The following ZFAND3 variants were observed in gnomAD, a reference collection of about 807,000 sequenced individuals.
ZFAND3 encodes zinc finger AN1-type containing 3, also known as AN1-type zinc finger protein 3.
Under a neutral mutation model 29.6 loss-of-function variants are expected in ZFAND3, and 10 were observed. That is an observed-to-expected ratio of 0.34 (90% confidence interval 0.21 to 0.57). ZFAND3 has a LOEUF of 0.57. Among genes scored for constraint, ZFAND3 ranks in the 20% least tolerant of loss-of-function variants. ZFAND3 has a pLI of 0.86. For missense variants in ZFAND3, 230 were observed against 304.5 expected, an observed-to-expected ratio of 0.76 and a Z score of 1.82; for synonymous variants, 128 against 112.6, an observed-to-expected ratio of 1.14 and a Z score of -0.87.
At chr6:37,848,261 A>C (rs1764218494) in intron 1 of ZFAND3, among the ~76,000 whole-genome samples, 1 of 152,194 alleles carries the variant, frequency 6.6e-6, no homozygotes, top group South Asian at 2.1e-4. Context: ...TGTATTTGGC[A>C]CTTTGAAAAG....
intron 2 of ZFAND3, among the ~76,000 whole-genome samples, chr6:38,027,355 A>T (rs1307441353): frequency 1.3e-5 from 2 of 152,226 alleles, no homozygotes; most frequent in Admixed American, 6.5e-5. Flanking sequence ...GGAATCTTTA[A>T]GGTCCTTCTC....
At chr6:38,141,220 A>G (rs558844771) in intron 5 of ZFAND3, among the ~76,000 whole-genome samples, 1 of 152,370 alleles carries the variant, frequency 6.6e-6, no homozygotes, top group East Asian at 1.9e-4. Flanking sequence ...GTGAAAACAT[A>G]GATTGTTTGC....
chr6:37,858,705 G>A (rs1394604820), intron 1 of ZFAND3, among the ~76,000 whole-genome samples: 1 of 152,096 alleles, frequency 6.6e-6, no homozygotes, highest in Non-Finnish European at 1.5e-5. Flanking sequence ...TATTTCCTGC[G>A]TATGAGTGAA....
At chr6:38,127,195 C>T (rs1765651942) in intron 5 of ZFAND3, among the ~76,000 whole-genome samples, 1 of 152,160 alleles carries the variant, frequency 6.6e-6, no homozygotes, top group Non-Finnish European at 1.5e-5. Context: ...CATTTCATCA[C>T]TAAGTATGAT....
chr6:37,915,007 T>C (rs1411125029), intron 1 of ZFAND3, among the ~76,000 whole-genome samples: 2 of 152,222 alleles, frequency 1.3e-5, no homozygotes. Context: ...TTCATTGGCA[T>C]TGAGAATCTG....
intron 2 of ZFAND3, among the ~76,000 whole-genome samples, chr6:37,974,608 C>T (rs1353310347): frequency 6.6e-6 from 1 of 152,034 alleles, no homozygotes; most frequent in Non-Finnish European, 1.5e-5. Flanking sequence ...GCTGCCCAGG[C>T]TGGTCTCAAA....
rs779218870 is a variant in ZFAND3, at chr6:38,152,399, A to G, written c.*10A>G. 8.9e-6 allele frequency: 14 copies of G among 1,568,686 alleles called. No homozygotes were observed. In the South Asian group the frequency reaches 9.6e-5, roughly 11 times the overall value. On this transcript the variant is annotated 3_prime_UTR_variant, in exon 6 of 6. Transcript: ENST00000287218. ...GGAGGGGTGCTCCTGAAGGCCAGGC[A>G]TGGCCACCACGTGACGCTGTTCTTA... is the stretch of plus-strand genomic sequence containing the variant.
At chr6:37,872,298 C>T (rs762520592) in intron 1 of ZFAND3, among the ~76,000 whole-genome samples, 2 of 152,166 alleles carry the variant, frequency 1.3e-5, no homozygotes, top group African/African-American at 2.4e-5. Context: ...TGCTGTTCAG[C>T]GCCTTCAGGT....
intron 1 of ZFAND3, among the ~76,000 whole-genome samples, chr6:37,874,462 C>T (rs992048955): frequency 5.7e-5 from 8 of 139,910 alleles, no homozygotes; most frequent in African/African-American, 1.9e-4. Flanking sequence ...TGCAGTGAGC[C>T]GAGATCGTGC....
At chr6:38,002,233 C>G (rs1762961147) in intron 2 of ZFAND3, among the ~76,000 whole-genome samples, 1 of 151,490 alleles carries the variant, frequency 6.6e-6, no homozygotes, top group Non-Finnish European at 1.5e-5. Flanking sequence ...AAAGATGATA[C>G]CCTCAGGAAG....
Position 37,836,103 on chromosome 6 carries a change from G to A in ZFAND3, c.71+16087G>A, listed in dbSNP as rs116256611. On this transcript the variant is annotated intron_variant, in intron 1 of 5. Transcript: ENST00000287218. Reference sequence around the variant, plus strand: ...TGTATTGTCATAACTGAAGCCAAGGGAGCAGGTAGAGTCACATAAGAAGTA... The same window carrying A: ...TGTATTGTCATAACTGAAGCCAAGGAAGCAGGTAGAGTCACATAAGAAGTA... 4.5e-3 allele frequency among the ~76,000 whole-genome samples: 692 copies of A among 152,266 alleles called. 7 individuals carry two copies. Among genetic ancestry groups the A allele is most frequent in the African/African-American group, 0.015 (639 of 41,550 alleles).
chr6:38,141,631 ACAT>A (rs1765958297), intron 5 of ZFAND3, among the ~76,000 whole-genome samples: 1 of 152,298 alleles, frequency 6.6e-6, no homozygotes, highest in South Asian at 2.1e-4. Flanking sequence ...GGAAACTTGT[ACAT>A]CATATGTTCA....
chr6:38,056,385 C>G (rs1165558585), intron 2 of ZFAND3, among the ~76,000 whole-genome samples: 1 of 152,144 alleles, frequency 6.6e-6, no homozygotes, highest in African/African-American at 2.4e-5. Flanking sequence ...TACCGAAATT[C>G]TTTCTAAATA....
intron 2 of ZFAND3, among the ~76,000 whole-genome samples, chr6:37,965,593 G>A (rs1341345487): frequency 2.0e-5 from 3 of 147,812 alleles, no homozygotes. Flanking sequence ...CCTTTGAGTT[G>A]TGCTGTTCTT....
chr6:37,938,213 AATC>A (rs1287911180), intron 2 of ZFAND3, among the ~76,000 whole-genome samples: 5 of 152,366 alleles, frequency 3.3e-5, no homozygotes, highest in African/African-American at 4.8e-5. Flanking sequence ...TTTAGAAACT[AATC>A]ATGTTGACAC....
At chr6:37,986,142 A>G (rs768868082) in intron 2 of ZFAND3, among the ~76,000 whole-genome samples, 2 of 151,918 alleles carry the variant, frequency 1.3e-5, no homozygotes, top group Non-Finnish European at 2.9e-5. Flanking sequence ...CTCTTTACAA[A>G]ATATAATTTT....
intron 5 of ZFAND3, among the ~76,000 whole-genome samples, chr6:38,126,476 T>C (rs1405738070): frequency 6.6e-6 from 1 of 152,244 alleles, no homozygotes; most frequent in Admixed American, 6.5e-5. Context: ...ACTTCCAAGA[T>C]CTTTTCCAAG....
intron 2 of ZFAND3, among the ~76,000 whole-genome samples, chr6:38,004,534 T>TACAC (rs56068930): frequency 0.059 from 8,736 of 147,384 alleles, 305 homozygotes; most frequent in Non-Finnish European, 0.083. Context: ...TAAAGCTGTC[T>TACAC]ACACACACAC....
intron 3 of ZFAND3, among the ~76,000 whole-genome samples, chr6:38,077,900 A>G (rs1191266911): frequency 6.6e-6 from 1 of 152,226 alleles, no homozygotes; most frequent in Non-Finnish European, 1.5e-5. Context: ...TGACCACTAC[A>G]TGAGTAGGTA....
Sources: allele counts gnomAD v4.1 joint callset (sites outside exome capture counted in the v4.1 genomes callset), GRCh38; gene constraint gnomAD v4.1.1; transcripts MANE v1.5; gene names NCBI Gene and HGNC (gene_info 2026-07-23, HGNC 2026-07-21).